The following WIPI1 variants were observed in gnomAD, a reference collection of about 807,000 sequenced individuals.
WIPI1 encodes the protein WD repeat domain, phosphoinositide interacting 1.
In WIPI1, 45 loss-of-function variants were observed where a neutral mutation model predicts 55.3. The ratio of observed to expected loss-of-function variants is 0.81; its 90% CI spans 0.64 to 1.04. The LOEUF (loss-of-function observed/expected upper bound fraction) is 1.04. Among genes scored for constraint, WIPI1 ranks in the 50% least tolerant of loss-of-function variants. The pLI is 0.00. For missense variants in WIPI1, 445 were observed against 559.0 expected, an observed-to-expected ratio of 0.80 and a Z score of 2.06; for synonymous variants, 195 against 217.6, an observed-to-expected ratio of 0.90 and a Z score of 0.92.
chr17:68,456,267 A>T (rs562606301), intron 1 of WIPI1, among the ~76,000 whole-genome samples: 1 of 152,342 alleles, frequency 6.6e-6, no homozygotes, highest in Admixed American at 6.5e-5. Context: ...GGGTGTTTTT[A>T]AACAGAAACA....
chr17:68,439,422 T>C (rs933283812), intron 4 of WIPI1, among the ~76,000 whole-genome samples: 4 of 152,014 alleles, frequency 2.6e-5, no homozygotes, highest in African/African-American at 7.2e-5. Flanking sequence ...ATGTCCAGAA[T>C]AGAGAAATCC....
At chr17:68,433,276 G>A (rs528277693) in intron 8 of WIPI1, among the ~76,000 whole-genome samples, 192 bp downstream of exon 8, 126 of 152,356 alleles carry the variant, frequency 8.3e-4, no homozygotes, top group Middle Eastern at 3.4e-3. Context: ...TCACGTGGGT[G>A]GCTCCCAGTT....
At chr17:68,450,093 A>G (rs1181755901) in intron 3 of WIPI1, among the ~76,000 whole-genome samples, 1 of 152,238 alleles carries the variant, frequency 6.6e-6, no homozygotes, top group East Asian at 1.9e-4. Flanking sequence ...ACTGAATAAG[A>G]ATTTATATTT....
chr17:68,437,948 T>TAAAAAAAAAAAAAAAAACA (rs2083895434), intron 4 of WIPI1, among the ~76,000 whole-genome samples: 1 of 78,806 alleles, frequency 1.3e-5, no homozygotes, highest in African/African-American at 4.8e-5. Flanking sequence ...ACATCTCTCT[T>TAAAAAAAAAAAAAAAAACA]AAAAAAAAAA....
At chr17:68,438,276 C>A (rs1182211696) in intron 4 of WIPI1, among the ~76,000 whole-genome samples, 1 of 152,110 alleles carries the variant, frequency 6.6e-6, no homozygotes, top group African/African-American at 2.4e-5. Context: ...GATACAAGGT[C>A]ATTCCTGGCC....
chr17:68,426,105 C>CACT lies in WIPI1; in HGVS notation c.1260_1262dup (p.Val421dup). On this transcript the variant is annotated inframe_insertion, in exon 12 of 13. Coordinates refer to ENST00000262139, the MANE Select transcript of WIPI1 (RefSeq NM_017983.7). ...GAAACTCATTCTCATCATCAAGACA[C>CACT]ACTGGTCCCGTCGCAAACTCATGTT... 6.2e-7 allele frequency: 1 copy of CACT among 1,612,728 alleles called. No individual in the cohort carries two copies. Among genetic ancestry groups the CACT allele is most frequent in the South Asian group, 1.1e-5 (1 of 91,022 alleles).
chr17:68,438,571 G>A (rs2083933572), intron 4 of WIPI1, among the ~76,000 whole-genome samples: 1 of 152,202 alleles, frequency 6.6e-6, no homozygotes, highest in African/African-American at 2.4e-5. Flanking sequence ...CAAATGCAGT[G>A]TGTAACTGCT....
intron 1 of WIPI1, among the ~76,000 whole-genome samples, chr17:68,456,321 T>G (rs2148006292): frequency 6.6e-6 from 1 of 152,334 alleles, no homozygotes; most frequent in East Asian, 1.9e-4. Context: ...CATAATGGCC[T>G]TAATTACACC....
rs2147696317 is a variant in WIPI1, at chr17:68,423,829, A to G, written c.1294-2009T>C. Among the ~76,000 whole-genome samples the G allele has an allele frequency of 6.6e-6, 1 of 152,336 alleles. No individual in the cohort carries two copies. The highest frequency in any genetic ancestry group is 6.5e-5 in the Admixed American group (1 of 15,304). On this transcript the variant is annotated intron_variant, in intron 12 of 12. Coordinates refer to ENST00000262139, the MANE Select transcript of WIPI1 (RefSeq NM_017983.7). The surrounding 1 kb of genome is among the most constrained non-coding windows in gnomAD (Gnocchi z 4.4). ...CTACCTCCTAGATACTAATATCCACATTACCCCAATTCTGTAACTATAAGA... is the reference window on the plus strand; with the variant it reads ...CTACCTCCTAGATACTAATATCCACGTTACCCCAATTCTGTAACTATAAGA...
intron 4 of WIPI1, among the ~76,000 whole-genome samples, chr17:68,438,045 C>T (rs74933239): frequency 0.022 from 3,300 of 148,382 alleles, 128 homozygotes; most frequent in African/African-American, 0.077. Context: ...AACTTTAGGT[C>T]AGGCTGAAAC....
chr17:68,457,125 C>G (rs957227668), intron 1 of WIPI1, among the ~76,000 whole-genome samples: 2 of 152,146 alleles, frequency 1.3e-5, no homozygotes, highest in East Asian at 3.9e-4. Context: ...AACCTTGTCG[C>G]TCTGGGAGGA....
chr17:68,424,970 A>G (rs1003460952), intron 12 of WIPI1, among the ~76,000 whole-genome samples: 1 of 152,232 alleles, frequency 6.6e-6, no homozygotes, highest in Non-Finnish European at 1.5e-5. Flanking sequence ...AGAGCGGTCT[A>G]TATGTTACTC....
chr17:68,425,216 C>A (rs893825857), intron 12 of WIPI1, among the ~76,000 whole-genome samples: 3 of 152,124 alleles, frequency 2.0e-5, no homozygotes, highest in African/African-American at 7.2e-5. Context: ...CTTTTCTTTT[C>A]TTTTTGAGAT....
At chr17:68,446,698 CTT>C (rs923962570) in intron 3 of WIPI1, among the ~76,000 whole-genome samples, 7 of 152,218 alleles carry the variant, frequency 4.6e-5, no homozygotes, top group Admixed American at 2.0e-4. Context: ...CTGATATCCT[CTT>C]GTGTCCCCTC....
At chr17:68,424,982 A>G (rs536213728) in intron 12 of WIPI1, among the ~76,000 whole-genome samples, 1 of 152,368 alleles carries the variant, frequency 6.6e-6, no homozygotes, top group Admixed American at 6.5e-5. Flanking sequence ...ATGTTACTCC[A>G]GATGGGAGCC....
At chr17:68,433,778 T>TG (rs2083642450) in intron 7 of WIPI1, among the ~76,000 whole-genome samples, 1 of 65,754 alleles carries the variant, frequency 1.5e-5, no homozygotes, top group East Asian at 2.6e-4. Context: ...TTTTTTTTTT[T>TG]TTTTTTTTTT....
At chr17:68,439,634 T>C (rs976600664) in intron 4 of WIPI1, among the ~76,000 whole-genome samples, 7 of 152,206 alleles carry the variant, frequency 4.6e-5, no homozygotes, top group Non-Finnish European at 1.0e-4. Flanking sequence ...GTGAATTTTA[T>C]CTCAAAAAAG....
At chr17:68,433,777 T>TTTTG (rs1568633025) in intron 7 of WIPI1, among the ~76,000 whole-genome samples, 41 of 63,656 alleles carry the variant, frequency 6.4e-4, no homozygotes, top group African/African-American at 1.9e-3. Flanking sequence ...TTTTTTTTTT[T>TTTTG]TTTTTTTTTT....
intron 8 of WIPI1, 92 bp from the exon 9 acceptor site, chr17:68,430,252 C>G (rs1194172105): frequency 2.3e-6 from 3 of 1,318,760 alleles, no homozygotes; most frequent in Non-Finnish European, 3.1e-6. Flanking sequence ...TAGCCACACT[C>G]CCCGCAGCAG....
Sources: allele counts gnomAD v4.1 joint callset (sites outside exome capture counted in the v4.1 genomes callset), GRCh38; gene constraint gnomAD v4.1.1; non-coding constraint Gnocchi (gnomAD v3.1); transcripts MANE v1.5; gene names NCBI Gene and HGNC (gene_info 2026-07-23, HGNC 2026-07-21).